The following CCR3 variants were observed in gnomAD, a reference collection of about 807,000 sequenced individuals.
The protein encoded by CCR3 is C-C chemokine receptor type 3.
For synonymous variants in CCR3, 203 were observed against 179.2 expected, an observed-to-expected ratio of 1.13 and a Z score of -1.06; for missense variants, 419 against 437.5, an observed-to-expected ratio of 0.96 and a Z score of 0.38.
At chr3:46,237,292 G>C (rs998313880) in intron 2 of CCR3, among the ~76,000 whole-genome samples, 1 of 152,154 alleles carries the variant, frequency 6.6e-6, no homozygotes, top group Non-Finnish European at 1.5e-5. Context: ...TAGATCTCCA[G>C]TTGTTTTTGT....
At chr3:46,217,832 T>C (rs546252866) in intron 2 of CCR3, among the ~76,000 whole-genome samples, 1 of 151,620 alleles carries the variant, frequency 6.6e-6, no homozygotes, top group East Asian at 1.9e-4. Context: ...AAGAGGAAAG[T>C]TCATAGCATT....
chr3:46,231,871 A>G (rs1237593554), intron 2 of CCR3, among the ~76,000 whole-genome samples: 1 of 152,092 alleles, frequency 6.6e-6, no homozygotes, highest in Non-Finnish European at 1.5e-5. Flanking sequence ...GATCTATCCC[A>G]TCTCTTTCCC....
chr3:46,221,219 G>C (rs1227620889), intron 2 of CCR3, among the ~76,000 whole-genome samples: 2 of 146,210 alleles, frequency 1.4e-5, no homozygotes, highest in Non-Finnish European at 3.0e-5. Context: ...TCTTCCTCCA[G>C]AAAGCTGGTT....
intron 1 of CCR3, among the ~76,000 whole-genome samples, chr3:46,257,860 A>G (rs1326059391): frequency 2.0e-5 from 3 of 152,218 alleles, no homozygotes; most frequent in Admixed American, 2.0e-4. Flanking sequence ...GAAACAGAGA[A>G]GCCAATGTTG....
intron 1 of CCR3, among the ~76,000 whole-genome samples, chr3:46,245,863 T>C (rs1298504624): frequency 6.6e-6 from 1 of 152,238 alleles, no homozygotes; most frequent in Non-Finnish European, 1.5e-5. Flanking sequence ...TCCATCCATG[T>C]TCCTGCAAAA....
In CCR3 at chr3:46,265,059, T is replaced by G; in HGVS notation, c.-11-89T>G. On this transcript the variant is annotated intron_variant, in intron 1 of 1. Transcript: ENST00000395940. ...AGGCTGCTATCACATGTGGCATCTT[T>G]GTTGAGTACATGAATAAATCAACTG... The G allele has an allele frequency of 3.6e-6, 3 of 831,062 alleles. 1 individual carries two copies. The South Asian group carries it at 5.3e-5, about 15-fold the overall frequency. The allele number at this position is 831,062 out of a possible 1,614,324, so 51.5% of individuals were successfully genotyped here.
At chr3:46,231,650 G>T (rs944810968) in intron 2 of CCR3, among the ~76,000 whole-genome samples, 2 of 152,152 alleles carry the variant, frequency 1.3e-5, no homozygotes, top group Non-Finnish European at 2.9e-5. Flanking sequence ...TGATAAATAG[G>T]ACAGGAGGAA....
Position 46,233,446 on chromosome 3 carries a change from T to C in CCR3, c.-67-8956T>C, listed in dbSNP as rs1699990175. Among the ~76,000 whole-genome samples, 5 of 152,322 alleles carry C rather than the reference T, an allele frequency of 3.3e-5. No individual in the cohort carries two copies. In the South Asian group the frequency reaches 1.0e-3, roughly 32 times the overall value. ...CTCTCCTGCAAAATATTGCTGACCC[T>C]TTCCTATTTCTGAGGTTCTTTGCTT... On this transcript the variant is annotated intron_variant, in intron 2 of 3. Coordinates refer to the CCR3 transcript ENST00000357422.
At chr3:46,233,772 G>T (rs1241843580) in intron 2 of CCR3, among the ~76,000 whole-genome samples, 2 of 152,212 alleles carry the variant, frequency 1.3e-5, no homozygotes, top group African/African-American at 4.8e-5. Context: ...CTTCAGGTTT[G>T]ATGCCATCCT....
chr3:46,244,805 G>A (rs1470265890), intron 1 of CCR3, among the ~76,000 whole-genome samples: 1 of 152,162 alleles, frequency 6.6e-6, no homozygotes, highest in Non-Finnish European at 1.5e-5. Context: ...CTTGGCTTGG[G>A]CTCAGAGGCC....
At chr3:46,251,454 G>A (rs534624816) in intron 1 of CCR3, among the ~76,000 whole-genome samples, 21 of 152,230 alleles carry the variant, frequency 1.4e-4, no homozygotes, top group African/African-American at 2.9e-4. Flanking sequence ...AAAAGAGGCC[G>A]CTTACTGGAT....
intron 2 of CCR3, among the ~76,000 whole-genome samples, chr3:46,220,789 G>A (rs1187330568): frequency 1.3e-5 from 2 of 152,156 alleles, no homozygotes; most frequent in Non-Finnish European, 1.5e-5. Flanking sequence ...ACCTATAAGT[G>A]GAAGCTATGC....
intron 1 of CCR3, chr3:46,264,695 GTTA>G: frequency 4.3e-6 from 2 of 461,280 alleles, no homozygotes; most frequent in Non-Finnish European, 7.6e-6. Context: ...AATAATCATT[GTTA>G]TTATTATTAT....
At chr3:46,217,994 C>CA (rs59770913) in intron 2 of CCR3, among the ~76,000 whole-genome samples, 181 of 145,294 alleles carry the variant, frequency 1.2e-3, no homozygotes, top group Middle Eastern at 3.6e-3. Flanking sequence ...CTGAAACAAA[C>CA]AAAAAAAAAA....
chr3:46,229,962 C>A (rs576293020), intron 2 of CCR3, among the ~76,000 whole-genome samples: 1 of 152,226 alleles, frequency 6.6e-6, no homozygotes, highest in East Asian at 1.9e-4. Context: ...CATGAGTGGA[C>A]GCTGGACTCA....
intron 2 of CCR3, among the ~76,000 whole-genome samples, chr3:46,211,420 TATC>T (rs1699713097): frequency 6.6e-6 from 1 of 151,364 alleles, no homozygotes; most frequent in Admixed American, 6.6e-5. Context: ...ATGGGTGTGT[TATC>T]ATGTTGCCTA....
chr3:46,230,821 A>T (rs1699955750), intron 2 of CCR3, among the ~76,000 whole-genome samples: 1 of 151,982 alleles, frequency 6.6e-6, no homozygotes, highest in Admixed American at 6.6e-5. Context: ...CACCCTCCAC[A>T]CTGGCCCTCT....
In CCR3 at chr3:46,265,274, C is replaced by T. The variant is rs5742906; in HGVS notation, c.116C>T (p.Pro39Leu). 3.5e-3 allele frequency: 5,638 copies of T among 1,614,032 alleles called. 33 individuals are homozygous for T. The highest frequency in any genetic ancestry group is 0.019 in the Middle Eastern group (116 of 6,062). Residue 39 changes from proline (P) to leucine (L), a missense_variant, in exon 2 of 2, where the codon CCG (proline) becomes CTG (leucine). Pro to Leu is a moderately conservative substitution (Grantham distance 98). Transcript: ENST00000395940. The stretch of plus-strand genomic sequence containing the variant: ...GCACTGATGGCCCAGTTTGTGCCCC[C>T]GCTGTACTCCCTGGTGTTCACTGTG... Reference protein sequence around the residue: ...TRALMAQFVPPLYSLVFTVGL... With the variant: ...TRALMAQFVPLLYSLVFTVGL...
In CCR3 at chr3:46,265,085, GTGTGTTTTACGAAGGATGATTA is replaced by G; in HGVS notation, c.-11-60_-11-39del. ...GTTGAGTACATGAATAAATCAACTGGTGTGTTTTACGAAGGATGATTATGCTTCATTGTGGGATTGTATTTTT... is the reference window on the plus strand; with the variant it reads ...GTTGAGTACATGAATAAATCAACTGGTGCTTCATTGTGGGATTGTATTTTT... On this transcript the variant is annotated intron_variant, in intron 1 of 1. Transcript: ENST00000395940. 4 of 1,036,772 alleles carry G rather than the reference GTGTGTTTTACGAAGGATGATTA, an allele frequency of 3.9e-6. No homozygotes were observed. In the South Asian group the frequency reaches 4.6e-5, roughly 12 times the overall value. 64.2% of individuals were successfully genotyped at this position (1,036,772 alleles called of 1,614,324 possible).
Sources: allele counts gnomAD v4.1 joint callset (sites outside exome capture counted in the v4.1 genomes callset), GRCh38; gene constraint gnomAD v4.1.1; transcripts MANE v1.5; gene names NCBI Gene and HGNC (gene_info 2026-07-23, HGNC 2026-07-21).